HMGN5: variants seen among roughly 807,000 people sequenced by gnomAD.
HMGN5 encodes the protein high mobility group nucleosome binding domain 5.
Under a neutral mutation model 9.5 loss-of-function variants are expected in HMGN5, and 4 were observed. The ratio of observed to expected loss-of-function variants is 0.42; its 90% CI spans 0.21 to 0.96. The LOEUF (loss-of-function observed/expected upper bound fraction) is 0.96. Ranked by LOEUF, HMGN5 falls within the 40% of genes least tolerant of loss-of-function variation. The pLI is 0.30. For missense variants in HMGN5, 192 were observed against 187.5 expected (o/e 1.02, Z -0.14); for synonymous variants, 55 against 57.1 (o/e 0.96, Z 0.16).
At chrX:81,182,774 T>G (rs754040908) in intron 1 of HMGN5, among the ~76,000 whole-genome samples, 31 of 112,302 alleles carry the variant, frequency 2.8e-4, no homozygotes, top group East Asian at 2.8e-4. Flanking sequence ...GTATTCTTTA[T>G]AGCAGTGTGT....
chrX:81,153,584 T>TCTCA (rs1491397190), intron 1 of HMGN5, among the ~76,000 whole-genome samples: 4 of 2,303 alleles, frequency 1.7e-3, no homozygotes, highest in African/African-American at 6.7e-3. Context: ...TCTCTCTCTC[T>TCTCA]ATATATATAT....
intron 1 of HMGN5, among the ~76,000 whole-genome samples, chrX:81,133,966 T>C (rs2066319849): frequency 9.0e-6 from 1 of 111,624 alleles, no homozygotes; most frequent in Non-Finnish European, 1.9e-5. Flanking sequence ...AGGTTTAGGT[T>C]TTTAGTAAAT....
intron 1 of HMGN5, among the ~76,000 whole-genome samples, chrX:81,150,814 G>A (rs1215955181): frequency 2.7e-5 from 3 of 111,121 alleles, no homozygotes; most frequent in East Asian, 2.8e-4. Context: ...GTAGAAATTC[G>A]AAGGATCATT....
chrX:81,151,068 CT>C (rs2075360630), intron 1 of HMGN5, among the ~76,000 whole-genome samples: 1 of 111,830 alleles, frequency 8.9e-6, no homozygotes, highest in South Asian at 3.7e-4. Context: ...TCAAACTATT[CT>C]GATAAATTGA....
At chrX:81,137,893 AG>A (rs1348898641) in intron 1 of HMGN5, among the ~76,000 whole-genome samples, 5 of 111,596 alleles carry the variant, frequency 4.5e-5, no homozygotes, top group Admixed American at 9.5e-5. Flanking sequence ...AGTTAATGAA[AG>A]GGTAATAAGG....
At position 81,121,641 on chromosome X, in the gene HMGN5, T is replaced by A; in HGVS notation, c.-92A>T. ...GCTCCAAGAGCAAATGAGTTTTCAA[T>A]GAACTAACTGCAGCACGACCTGTAC... On this transcript the variant is annotated 5_prime_UTR_variant, in exon 2 of 7. Transcript: ENST00000358130. 1 of 626,666 alleles carries A rather than the reference T, an allele frequency of 1.6e-6. No homozygotes were observed. Among genetic ancestry groups the A allele is most frequent in the Non-Finnish European group, 2.5e-6 (1 of 401,310 alleles). The allele number at this position is 626,666 out of a possible 1,213,427, so 51.6% of individuals were successfully genotyped here.
intron 1 of HMGN5, among the ~76,000 whole-genome samples, chrX:81,181,165 G>A (rs374189679): frequency 3.6e-5 from 4 of 111,088 alleles, no homozygotes; most frequent in South Asian, 7.6e-4. Context: ...CCTGCACATT[G>A]TGCACATGTA....
intron 1 of HMGN5, among the ~76,000 whole-genome samples, chrX:81,153,583 C>CAA (rs2075373195): frequency 1.1e-3 from 7 of 6,143 alleles, no homozygotes; most frequent in African/African-American, 3.9e-3. Context: ...CTCTCTCTCT[C>CAA]TATATATATA....
chrX:81,174,017 A>C (rs1328079627), intron 1 of HMGN5, among the ~76,000 whole-genome samples: 1 of 111,854 alleles, frequency 8.9e-6, no homozygotes, highest in Non-Finnish European at 1.9e-5. Flanking sequence ...ATAAAGTTAG[A>C]AATTTTTTTC....
intron 1 of HMGN5, among the ~76,000 whole-genome samples, chrX:81,136,634 T>C (rs1045689771): frequency 7.2e-5 from 8 of 110,714 alleles, no homozygotes; most frequent in Admixed American, 6.7e-4. Flanking sequence ...AAAAGAGAAA[T>C]AGAGGAATGA....
chrX:81,174,211 A>G (rs748533123), intron 1 of HMGN5, among the ~76,000 whole-genome samples: 1 of 111,254 alleles, frequency 9.0e-6, no homozygotes, highest in Non-Finnish European at 1.9e-5. Context: ...AAGGGTATGC[A>G]GAAATCTGTT....
At chrX:81,192,861 A>G (rs2075497750) in intron 1 of HMGN5, among the ~76,000 whole-genome samples, 1 of 109,151 alleles carries the variant, frequency 9.2e-6, no homozygotes, top group Admixed American at 9.7e-5. Context: ...TCTGATGTAC[A>G]GTCAGCAATA....
At chrX:81,149,170 C>T (rs565769620) in intron 1 of HMGN5, among the ~76,000 whole-genome samples, 49 of 111,603 alleles carry the variant, frequency 4.4e-4, no homozygotes, top group African/African-American at 1.3e-3. Context: ...TATAAAGACA[C>T]GTGCACTTGT....
intron 1 of HMGN5, among the ~76,000 whole-genome samples, chrX:81,181,136 T>C (rs976239704): frequency 9.0e-6 from 1 of 110,871 alleles, no homozygotes; most frequent in Admixed American, 9.6e-5. Flanking sequence ...ACATGGCACA[T>C]GTATACCTAT....
intron 1 of HMGN5, among the ~76,000 whole-genome samples, chrX:81,184,701 T>C (rs1602581970): frequency 1.8e-5 from 2 of 111,549 alleles, no homozygotes; most frequent in Non-Finnish European, 1.9e-5. Flanking sequence ...GATCTTTGCC[T>C]AGTCCAATGT....
At chrX:81,179,820 A>T (rs1223495291) in intron 1 of HMGN5, among the ~76,000 whole-genome samples, 1 of 111,942 alleles carries the variant, frequency 8.9e-6, no homozygotes, top group Non-Finnish European at 1.9e-5. Context: ...AGGCTACAGT[A>T]ACCAAAACAG....
chrX:81,179,417 CAGAG>C (rs2075453679), intron 1 of HMGN5, among the ~76,000 whole-genome samples: 1 of 111,313 alleles, frequency 9.0e-6, no homozygotes, highest in South Asian at 3.8e-4. Context: ...AACAGACAAA[CAGAG>C]AGCCAAATCA....
chrX:81,162,221 C>G (rs1240444438), intron 1 of HMGN5, among the ~76,000 whole-genome samples: 1 of 110,395 alleles, frequency 9.1e-6, no homozygotes, highest in African/African-American at 3.3e-5. Flanking sequence ...CTTATTATGG[C>G]TTTTGTCTGA....
chrX:81,143,273 C>T (rs1427553566), intron 1 of HMGN5, among the ~76,000 whole-genome samples: 1 of 111,300 alleles, frequency 9.0e-6, no homozygotes, highest in Non-Finnish European at 1.9e-5. Flanking sequence ...CAGGGTGAGT[C>T]TTTACTTATC....
Sources: gnomAD v4.1 joint callset for allele counts (sites outside exome capture counted in the v4.1 genomes callset) on GRCh38, gnomAD v4.1.1 for gene constraint, MANE v1.5 for transcripts, NCBI Gene and HGNC (gene_info 2026-07-23, HGNC 2026-07-21) for gene names.